Variants in SLC5A7 observed in about 807,000 individuals in gnomAD.
SLC5A7 encodes high affinity choline transporter 1.
A neutral mutation model predicts 55.4 loss-of-function variants in SLC5A7; 19 were observed. The ratio of observed to expected loss-of-function variants is 0.34; its 90% CI spans 0.24 to 0.50. The LOEUF (loss-of-function observed/expected upper bound fraction) is 0.50, where lower values mean the gene tolerates loss of function less well. Among genes scored for constraint, SLC5A7 ranks in the 20% least tolerant of loss-of-function variants. SLC5A7 has a pLI of 0.98. For synonymous variants in SLC5A7, 265 were observed against 263.7 expected, an observed-to-expected ratio of 1.00 and a Z score of -0.05; for missense variants, 506 against 705.3, an observed-to-expected ratio of 0.72 and a Z score of 3.20.
intron 5 of SLC5A7, among the ~76,000 whole-genome samples, chr2:108,000,710 T>A (rs944341145): frequency 6.6e-6 from 1 of 152,012 alleles, no homozygotes; most frequent in African/African-American, 2.4e-5. Flanking sequence ...TCCTCCCACC[T>A]CAGCCTCCTG....
chr2:107,987,485 T>A (rs1037682437), intron 1 of SLC5A7, among the ~76,000 whole-genome samples: 1 of 152,240 alleles, frequency 6.6e-6, no homozygotes, highest in Non-Finnish European at 1.5e-5. Context: ...ACATACTTAG[T>A]TGCTATAGTA....
At position 107,993,141 on chromosome 2, in the gene SLC5A7, A is replaced by G. The variant is rs2104342998; in HGVS notation, c.448+14A>G. 6.2e-7 allele frequency: 1 copy of G among 1,613,982 alleles called. No homozygotes were observed. The highest frequency in any genetic ancestry group is 2.2e-5 in the East Asian group (1 of 44,868). On this transcript the variant is annotated intron_variant, in intron 4 of 8. Transcript: ENST00000264047. ...TCTCTGCTTTGGGTAAGGACCAGCTAAGTTGTCTAGCTGCATCTTTGTAGT... is the reference window on the plus strand; with the variant it reads ...TCTCTGCTTTGGGTAAGGACCAGCTGAGTTGTCTAGCTGCATCTTTGTAGT...
intron 6 of SLC5A7, among the ~76,000 whole-genome samples, chr2:108,004,726 C>T (rs775614211): frequency 3.9e-5 from 6 of 152,144 alleles, no homozygotes; most frequent in Non-Finnish European, 5.9e-5. Flanking sequence ...ACTGCCTGGT[C>T]GCTGTCATTA....
In SLC5A7 at chr2:108,011,314, A is replaced by G. The variant is rs570563321; in HGVS notation, c.*453A>G. 1 of 153,140 alleles carries G rather than the reference A, an allele frequency of 6.5e-6. No homozygotes were observed. The highest frequency in any genetic ancestry group is 1.9e-4 in the East Asian group (1 of 5,194). 9.5% of individuals were successfully genotyped at this position (153,140 alleles called of 1,614,324 possible). On this transcript the variant is annotated 3_prime_UTR_variant, in exon 9 of 9. Coordinates refer to ENST00000264047, the MANE Select transcript of SLC5A7 (RefSeq NM_021815.5). ...CTTCAGTCACTCCCTTGAATGGTGC[A>G]ATGAATTAACCAGCTGATTTTTCTT...
In SLC5A7 at chr2:107,991,011, G is replaced by A. The variant is rs574345378; in HGVS notation, c.179-1095G>A. 5.9e-5 allele frequency among the ~76,000 whole-genome samples: 9 copies of A among 152,252 alleles called. No individual in the cohort carries two copies. In the South Asian group the frequency reaches 1.4e-3, roughly 25 times the overall value. Reference sequence around the variant, plus strand: ...AAGGATTGCTTAGAATATTTTGACTGTACTGTAACCTCAACAAGGTGTAAA... The same window carrying A: ...AAGGATTGCTTAGAATATTTTGACTATACTGTAACCTCAACAAGGTGTAAA... On this transcript the variant is annotated intron_variant, in intron 2 of 8. Coordinates refer to ENST00000264047, the MANE Select transcript of SLC5A7 (RefSeq NM_021815.5).
At position 107,988,136 on chromosome 2, in the gene SLC5A7, A is replaced by G. The variant is rs1677316887; in HGVS notation, c.-20A>G. 1 of 1,609,636 alleles carries G rather than the reference A, an allele frequency of 6.2e-7. No individual in the cohort carries two copies. Among genetic ancestry groups the G allele is most frequent in the Non-Finnish European group, 8.5e-7 (1 of 1,176,510 alleles). Reference sequence around the variant, plus strand: ...TAATGAAGTAGCCAGCTGCAGAAGAATCTGGATCATTAGATAAAAATGGCT... The same window carrying G: ...TAATGAAGTAGCCAGCTGCAGAAGAGTCTGGATCATTAGATAAAAATGGCT... On this transcript the variant is annotated 5_prime_UTR_variant, in exon 2 of 9. Coordinates refer to ENST00000264047, the MANE Select transcript of SLC5A7 (RefSeq NM_021815.5).
rs1227583721 is a variant in SLC5A7 at position 108,013,838 on chromosome 2, A to C, written c.*2977A>C. On this transcript the variant is annotated 3_prime_UTR_variant, in exon 9 of 9. Coordinates refer to ENST00000264047, the MANE Select transcript of SLC5A7 (RefSeq NM_021815.5). ...TGCAATATCAACAACAAGTTGTTTC[A>C]AACAGCATCAAAATACAACTTCATT... 6.6e-6 allele frequency: 1 copy of C among 152,166 alleles called. No individual in the cohort carries two copies. Among genetic ancestry groups the C allele is most frequent in the Non-Finnish European group, 1.5e-5 (1 of 68,010 alleles). 9.4% of individuals were successfully genotyped at this position (152,166 alleles called of 1,614,324 possible). A position where few individuals can be genotyped will look rare whatever the true frequency, so the allele number is the denominator to read the frequency against.
intron 5 of SLC5A7, among the ~76,000 whole-genome samples, chr2:107,999,339 C>T (rs1411614536): frequency 6.6e-6 from 1 of 152,208 alleles, no homozygotes; most frequent in Non-Finnish European, 1.5e-5. Flanking sequence ...GCAATGACAG[C>T]TCTCATAACT....
chr2:108,000,128 G>T (rs1558865362), intron 5 of SLC5A7, among the ~76,000 whole-genome samples: 1 of 152,056 alleles, frequency 6.6e-6, no homozygotes, highest in South Asian at 2.1e-4. Flanking sequence ...TGCCAGCAAA[G>T]CCTGTCACCA....
In SLC5A7 at chr2:107,994,322, G is replaced by C. The variant is rs750887333; in HGVS notation, c.448+1195G>C. On this transcript the variant is annotated intron_variant, in intron 4 of 8. Coordinates refer to ENST00000264047, the MANE Select transcript of SLC5A7 (RefSeq NM_021815.5). Reference sequence around the variant, plus strand: ...TGGGGGGCCGGGCGCGGTGGCTCACGCCTGTAATCCCAGCACTTTGGGAGG... The same window carrying C: ...TGGGGGGCCGGGCGCGGTGGCTCACCCCTGTAATCCCAGCACTTTGGGAGG... 4.6e-5 allele frequency among the ~76,000 whole-genome samples: 7 copies of C among 152,296 alleles called. No homozygotes were observed. The South Asian group carries it at 1.5e-3, about 32-fold the overall frequency.
intron 5 of SLC5A7, among the ~76,000 whole-genome samples, chr2:108,000,063 TGAG>T (rs1677822238): frequency 6.6e-6 from 1 of 152,216 alleles, no homozygotes. Context: ...GCTTGCAATT[TGAG>T]TTTTCTCCAC....
At chr2:107,993,259 C>T in intron 4 of SLC5A7, 132 bp downstream of exon 4, 1 of 924,084 alleles carries the variant, frequency 1.1e-6, no homozygotes, top group Non-Finnish European at 1.6e-6. Context: ...TATTTATATG[C>T]ATAAAAGCTT....
At chr2:108,008,151 C>G (rs1014272580) in intron 7 of SLC5A7, among the ~76,000 whole-genome samples, 1 of 152,154 alleles carries the variant, frequency 6.6e-6, no homozygotes, top group Admixed American at 6.5e-5. Context: ...TGAAGGAATA[C>G]TCTAGAATTC....
chr2:108,010,887 T>G lies in SLC5A7; in HGVS notation c.*26T>G, dbSNP rs1558873392. 1 of 1,535,096 alleles carries G rather than the reference T, an allele frequency of 6.5e-7. No homozygotes were observed. The highest frequency in any genetic ancestry group is 8.7e-7 in the Non-Finnish European group (1 of 1,152,656). On this transcript the variant is annotated 3_prime_UTR_variant, in exon 9 of 9. Transcript: ENST00000264047. ...CCCCATCTAAATAAAATACTGCTTTTGCAAACAGAACACTGTAATAGGGTA... is the reference window on the plus strand; with the variant it reads ...CCCCATCTAAATAAAATACTGCTTTGGCAAACAGAACACTGTAATAGGGTA...
chr2:107,988,982 A>T (rs1677344708), intron 2 of SLC5A7, among the ~76,000 whole-genome samples: 1 of 152,178 alleles, frequency 6.6e-6, no homozygotes, highest in African/African-American at 2.4e-5. Flanking sequence ...TCCTCATAGG[A>T]ATCCCCAGGC....
chr2:107,992,276 A>T, intron 3 of SLC5A7, 57 bp downstream of exon 3: 1 of 1,002,150 alleles, frequency 1.0e-6, no homozygotes, highest in South Asian at 1.5e-5. Context: ...GAACAAGAGT[A>T]TAAATAACAA....
At chr2:107,991,282 T>C (rs932395279) in intron 2 of SLC5A7, among the ~76,000 whole-genome samples, 7 of 152,340 alleles carry the variant, frequency 4.6e-5, no homozygotes, top group African/African-American at 1.7e-4. Flanking sequence ...TCATTACTTC[T>C]TGTCAAATAG....
intron 5 of SLC5A7, among the ~76,000 whole-genome samples, chr2:107,999,755 T>C (rs1019677151): frequency 7.2e-5 from 11 of 152,158 alleles, no homozygotes; most frequent in Admixed American, 7.2e-4. Context: ...GAGGTTTTTC[T>C]TTTCATTTTC....
chr2:108,003,145 T>C (rs1451024632), intron 6 of SLC5A7, among the ~76,000 whole-genome samples: 1 of 152,202 alleles, frequency 6.6e-6, no homozygotes, highest in African/African-American at 2.4e-5. Flanking sequence ...CTCTTTTTTC[T>C]GGTATGGCTT....
Sources: allele counts gnomAD v4.1 joint callset (sites outside exome capture counted in the v4.1 genomes callset), GRCh38; gene constraint gnomAD v4.1.1; transcripts MANE v1.5; gene names NCBI Gene and HGNC (gene_info 2026-07-23, HGNC 2026-07-21).